Variants in CNTNAP2 observed in about 807,000 individuals in gnomAD.
CNTNAP2 encodes the protein contactin associated protein 2, also known as contactin-associated protein-like 2.
Under a neutral mutation model 155.2 loss-of-function variants are expected in CNTNAP2, and 98 were observed. The observed-to-expected ratio is 0.63, with a 90% confidence interval of 0.54 to 0.75. The LOEUF (loss-of-function observed/expected upper bound fraction) is 0.75, where lower values mean the gene tolerates loss of function less well. Ranked by LOEUF, CNTNAP2 falls within the 30% of genes least tolerant of loss-of-function variation. CNTNAP2 has a pLI of 0.00. For missense variants in CNTNAP2, 1,727 were observed against 1,688.1 expected, an observed-to-expected ratio of 1.02 and a Z score of -0.40; for synonymous variants, 651 against 631.2, an observed-to-expected ratio of 1.03 and a Z score of -0.47.
At chr7:146,535,960 A>T (rs1344844184) in intron 1 of CNTNAP2, among the ~76,000 whole-genome samples, 1 of 152,120 alleles carries the variant, frequency 6.6e-6, no homozygotes, top group Non-Finnish European at 1.5e-5. Flanking sequence ...TTCAGGTTAA[A>T]AGAGAAAATA....
At chr7:147,713,354 C>G (rs921274338) in intron 13 of CNTNAP2, among the ~76,000 whole-genome samples, 1 of 152,140 alleles carries the variant, frequency 6.6e-6, no homozygotes, top group East Asian at 1.9e-4. Flanking sequence ...CCACTGATAA[C>G]CTGATCCATT....
At chr7:147,640,898 C>T (rs769262478) in intron 13 of CNTNAP2, among the ~76,000 whole-genome samples, 3 of 152,120 alleles carry the variant, frequency 2.0e-5, no homozygotes, top group South Asian at 2.1e-4. Context: ...TTGGTTTGAC[C>T]GGGCACGTTA....
chr7:147,347,725 C>T (rs960711526), intron 9 of CNTNAP2, among the ~76,000 whole-genome samples: 1 of 151,870 alleles, frequency 6.6e-6, no homozygotes, highest in Admixed American at 6.6e-5. Flanking sequence ...GTAGCCAAAG[C>T]AATCCTGAGC....
chr7:147,889,966 A>AAG (rs1799662798), intron 13 of CNTNAP2, among the ~76,000 whole-genome samples: 1 of 152,244 alleles, frequency 6.6e-6, no homozygotes, highest in East Asian at 1.9e-4. Context: ...AACAAATTTC[A>AAG]GGTTATTGGT....
chr7:148,299,993 C>A (rs958870959), intron 21 of CNTNAP2, among the ~76,000 whole-genome samples: 1 of 152,158 alleles, frequency 6.6e-6, no homozygotes, highest in Non-Finnish European at 1.5e-5. Context: ...AGTTAATGCT[C>A]ATAGTAAGAG....
chr7:148,132,489 C>T (rs905713420), intron 16 of CNTNAP2, among the ~76,000 whole-genome samples: 1 of 151,264 alleles, frequency 6.6e-6, no homozygotes, highest in African/African-American at 2.4e-5. Context: ...TTAATGTAGA[C>T]ACCGCATTGT....
chr7:148,400,917 T>C (rs1345900683), intron 22 of CNTNAP2, among the ~76,000 whole-genome samples: 4 of 151,908 alleles, frequency 2.6e-5, no homozygotes, highest in African/African-American at 9.7e-5. Flanking sequence ...GAAGCAGAGG[T>C]TGCAGTGAGC....
chr7:147,799,421 G>A (rs1331967234), intron 13 of CNTNAP2, among the ~76,000 whole-genome samples: 4 of 152,020 alleles, frequency 2.6e-5, no homozygotes, highest in Non-Finnish European at 5.9e-5. Context: ...ATGAGCATTG[G>A]GAAGAAGACG....
chr7:148,385,750 T>TTGTTTGTTTGTTTG (rs1563067663), intron 22 of CNTNAP2, among the ~76,000 whole-genome samples: 2 of 104,358 alleles, frequency 1.9e-5, no homozygotes, highest in African/African-American at 7.5e-5. Flanking sequence ...TTTTTTTTTT[T>TTGTTTGTTTGTTTG]TTTTTTTTTT....
intron 13 of CNTNAP2, among the ~76,000 whole-genome samples, chr7:147,831,429 A>G (rs1207298965): frequency 1.3e-5 from 2 of 152,178 alleles, no homozygotes; most frequent in African/African-American, 4.8e-5. Flanking sequence ...TCATTGTAAT[A>G]TTTCTGAAAT....
intron 1 of CNTNAP2, among the ~76,000 whole-genome samples, chr7:146,356,052 T>TAC (rs68125550): frequency 0.05 from 7,257 of 144,072 alleles, 274 homozygotes; most frequent in East Asian, 0.13. Flanking sequence ...TACATACGAA[T>TAC]ACACACACAC....
At chr7:146,334,825 C>T (rs1346297109) in intron 1 of CNTNAP2, among the ~76,000 whole-genome samples, 1 of 152,182 alleles carries the variant, frequency 6.6e-6, no homozygotes, top group Non-Finnish European at 1.5e-5. Context: ...TCATGCCCCA[C>T]TTCAGTTATC....
intron 1 of CNTNAP2, among the ~76,000 whole-genome samples, chr7:146,671,429 T>TCACACA (rs147594471): frequency 8.8e-5 from 13 of 148,388 alleles, no homozygotes; most frequent in South Asian, 4.3e-4. Flanking sequence ...TTTTTGTCAC[T>TCACACA]CACACACACA....
intron 8 of CNTNAP2, among the ~76,000 whole-genome samples, chr7:147,230,874 A>G (rs1162625771): frequency 6.6e-6 from 1 of 152,168 alleles, no homozygotes; most frequent in African/African-American, 2.4e-5. Context: ...ACTTAGCCTA[A>G]TGTATTAGTC....
chr7:146,190,016 T>C (rs1798679352), intron 1 of CNTNAP2, among the ~76,000 whole-genome samples: 1 of 152,122 alleles, frequency 6.6e-6, no homozygotes, highest in South Asian at 2.1e-4. Context: ...TTGTGGCTAA[T>C]CTTCTGAGAA....
chr7:148,042,087 C>T (rs1802688315), intron 15 of CNTNAP2, among the ~76,000 whole-genome samples: 1 of 152,190 alleles, frequency 6.6e-6, no homozygotes, highest in Non-Finnish European at 1.5e-5. Flanking sequence ...GCTGCCTACT[C>T]TTTCGCCTGA....
intron 10 of CNTNAP2, among the ~76,000 whole-genome samples, chr7:147,404,644 C>T (rs984847558): frequency 3.3e-5 from 5 of 152,134 alleles, no homozygotes; most frequent in African/African-American, 1.2e-4. Flanking sequence ...TTTATTTAAA[C>T]TTTATTGGCC....
intron 1 of CNTNAP2, among the ~76,000 whole-genome samples, chr7:146,416,151 C>T (rs1718095): frequency 0.043 from 5,396 of 126,598 alleles, 343 homozygotes; most frequent in African/African-American, 0.19. Flanking sequence ...TATTTCATTA[C>T]ATATAAAATG....
At chr7:146,924,007 C>G (rs944777735) in intron 3 of CNTNAP2, among the ~76,000 whole-genome samples, 26 of 152,252 alleles carry the variant, frequency 1.7e-4, no homozygotes, top group African/African-American at 6.0e-4. Context: ...TAGCTTCCCC[C>G]AACTGTTGTC....
Sources: allele counts gnomAD v4.1 joint callset (sites outside exome capture counted in the v4.1 genomes callset), GRCh38; gene constraint gnomAD v4.1.1; transcripts MANE v1.5; gene names NCBI Gene and HGNC (gene_info 2026-07-23, HGNC 2026-07-21).